The following ATP9B variants were observed in gnomAD, a reference collection of about 807,000 sequenced individuals.
The protein encoded by ATP9B is probable phospholipid-transporting ATPase IIB.
A neutral mutation model predicts 146.1 loss-of-function variants in ATP9B; 110 were observed. That is an observed-to-expected ratio of 0.75 (90% CI 0.65 to 0.88). ATP9B has a LOEUF of 0.88. ATP9B is among the 40% of genes least tolerant of loss of function. ATP9B has a pLI of 0.00. For synonymous variants in ATP9B, 604 were observed against 569.7 expected, an observed-to-expected ratio of 1.06 and a Z score of -0.86; for missense variants, 1,499 against 1,496.4, an observed-to-expected ratio of 1.00 and a Z score of -0.03.
chr18:79,373,199 A>C (rs2097082696), intron 27 of ATP9B, among the ~76,000 whole-genome samples: 1 of 152,204 alleles, frequency 6.6e-6, no homozygotes, highest in Admixed American at 6.5e-5. Flanking sequence ...GACTTTGAGA[A>C]ATCTGAGTTA....
intron 26 of ATP9B, among the ~76,000 whole-genome samples, chr18:79,368,097 C>T (rs189791339): frequency 4.6e-5 from 7 of 151,546 alleles, no homozygotes; most frequent in South Asian, 2.1e-4. Flanking sequence ...GTGAGCTGGA[C>T]GGCGCCGTGG....
At position 79,151,172 on chromosome 18, in the gene ATP9B, C is replaced by T. The variant is rs116568179; in HGVS notation, c.727-3332C>T. 3.4e-3 allele frequency among the ~76,000 whole-genome samples: 516 copies of T among 152,286 alleles called. 3 individuals carry two copies. The highest frequency in any genetic ancestry group is 0.011 in the African/African-American group (475 of 41,566). Reference sequence around the variant, plus strand: ...AAAAGATGGACAAACTTTGAATACTCGCATTTCACTATTTCAAAACTTAAT... The same window carrying T: ...AAAAGATGGACAAACTTTGAATACTTGCATTTCACTATTTCAAAACTTAAT... On this transcript the variant is annotated intron_variant, in intron 6 of 29. Transcript: ENST00000426216.
At chr18:79,168,992 C>T (rs557257236) in intron 7 of ATP9B, among the ~76,000 whole-genome samples, 13 of 152,052 alleles carry the variant, frequency 8.5e-5, no homozygotes, top group Non-Finnish European at 1.3e-4. Context: ...CTTTGAGGTT[C>T]GTGACAGAAA....
At chr18:79,271,324 G>A (rs1201291144) in intron 12 of ATP9B, among the ~76,000 whole-genome samples, 2 of 151,948 alleles carry the variant, frequency 1.3e-5, no homozygotes, top group African/African-American at 4.8e-5. Context: ...TGTCATGTTG[G>A]TGTGCTGCAC....
intron 4 of ATP9B, among the ~76,000 whole-genome samples, chr18:79,124,899 A>T (rs966407541): frequency 6.6e-6 from 1 of 152,162 alleles, no homozygotes; most frequent in Non-Finnish European, 1.5e-5. Context: ...GAATTAGGCC[A>T]TCAGTGGGCT....
At chr18:79,122,298 G>A (rs117651492) in intron 4 of ATP9B, among the ~76,000 whole-genome samples, 4,816 of 152,206 alleles carry the variant, frequency 0.032, 116 homozygotes, top group Non-Finnish European at 0.041. Context: ...ATGAACATGA[G>A]TCTGTAGCAG....
At chr18:79,346,534 G>A (rs1280050336) in intron 23 of ATP9B, among the ~76,000 whole-genome samples, 13 of 102,994 alleles carry the variant, frequency 1.3e-4, no homozygotes, top group African/African-American at 5.0e-4. Flanking sequence ...TGCACAGTCA[G>A]CACACACTCG....
At chr18:79,208,052 TG>T (rs1234135444) in intron 10 of ATP9B, among the ~76,000 whole-genome samples, 2 of 152,250 alleles carry the variant, frequency 1.3e-5, no homozygotes, top group African/African-American at 4.8e-5. Flanking sequence ...GAGACCATCC[TG>T]GCTAACACTG....
At chr18:79,139,536 C>G (rs558222357) in intron 5 of ATP9B, among the ~76,000 whole-genome samples, 1 of 152,076 alleles carries the variant, frequency 6.6e-6, no homozygotes, top group Non-Finnish European at 1.5e-5. Flanking sequence ...TCATTTTTAT[C>G]TTTTAAATTT....
chr18:79,071,291 T>C (rs2071740880), intron 1 of ATP9B, among the ~76,000 whole-genome samples: 1 of 151,772 alleles, frequency 6.6e-6, no homozygotes, highest in Non-Finnish European at 1.5e-5. Context: ...CAGATGGTGT[T>C]ACAGTTTTTG....
chr18:79,106,760 CA>C (rs1286205006), intron 2 of ATP9B, among the ~76,000 whole-genome samples: 21 of 152,100 alleles, frequency 1.4e-4, no homozygotes, highest in Admixed American at 1.4e-3. Context: ...ATGTTTTTAG[CA>C]GTGGGCATTG....
chr18:79,130,455 T>C (rs181588769), intron 5 of ATP9B, among the ~76,000 whole-genome samples: 49 of 150,484 alleles, frequency 3.3e-4, no homozygotes, highest in Non-Finnish European at 5.9e-5. Flanking sequence ...TTAAGAGACC[T>C]GTGGGACAGC....
At chr18:79,092,491 A>G (rs1193842430) in intron 1 of ATP9B, among the ~76,000 whole-genome samples, 1 of 152,106 alleles carries the variant, frequency 6.6e-6, no homozygotes, top group Non-Finnish European at 1.5e-5. Flanking sequence ...TTACTTTGTA[A>G]TTTTTTTAAT....
chr18:79,316,059 G>A (rs1047351697), intron 15 of ATP9B, among the ~76,000 whole-genome samples: 2 of 152,136 alleles, frequency 1.3e-5, no homozygotes, highest in African/African-American at 4.8e-5. Context: ...CATAATGTCA[G>A]GCAGCAGTTA....
chr18:79,329,291 G>A lies in ATP9B; in HGVS notation c.1924G>A (p.Val642Ile), dbSNP rs376190671. The change falls in exon 16 of 30, where the codon GTC becomes ATC. Residue 642 changes from valine to isoleucine, a missense_variant. Val to Ile is a conservative substitution (Grantham distance 29). Coordinates refer to ENST00000426216, the MANE Select transcript of ATP9B (RefSeq NM_198531.5). ...PFTSESKRMG[V>I]IVRDESTAEI... Reference sequence around the variant, plus strand: ...CACCTCCGAGAGCAAGCGGATGGGCGTCATCGTCAGGGTGAGGCTGCGGGG... The same window carrying A: ...CACCTCCGAGAGCAAGCGGATGGGCATCATCGTCAGGGTGAGGCTGCGGGG... 1.7e-5 allele frequency: 27 copies of A among 1,606,020 alleles called. No homozygotes were observed. Among genetic ancestry groups the A allele is most frequent in the African/African-American group, 1.2e-4 (9 of 74,668 alleles).
intron 8 of ATP9B, among the ~76,000 whole-genome samples, chr18:79,185,122 A>G (rs1263731923): frequency 1.3e-5 from 2 of 152,148 alleles, no homozygotes; most frequent in Non-Finnish European, 1.5e-5. Flanking sequence ...GCACGGGGAT[A>G]CTTTTGTGAG....
intron 2 of ATP9B, among the ~76,000 whole-genome samples, chr18:79,106,714 T>C (rs2075674934): frequency 6.6e-6 from 1 of 152,194 alleles, no homozygotes; most frequent in Non-Finnish European, 1.5e-5. Context: ...GGTACAGGGT[T>C]ATAGAGGAAA....
intron 9 of ATP9B, among the ~76,000 whole-genome samples, chr18:79,202,586 T>C (rs74737423): frequency 0.032 from 4,909 of 152,324 alleles, 116 homozygotes; most frequent in Non-Finnish European, 0.042. Flanking sequence ...TTCACACTTA[T>C]AGACCATTAA....
intron 4 of ATP9B, among the ~76,000 whole-genome samples, chr18:79,123,883 A>G (rs1313643506): frequency 6.6e-6 from 1 of 152,240 alleles, no homozygotes; most frequent in Non-Finnish European, 1.5e-5. Flanking sequence ...CAAAGAAGAT[A>G]TACAAATGGC....
Sources: gnomAD v4.1 joint callset for allele counts (sites outside exome capture counted in the v4.1 genomes callset) on GRCh38, gnomAD v4.1.1 for gene constraint, MANE v1.5 for transcripts, NCBI Gene and HGNC (gene_info 2026-07-23, HGNC 2026-07-21) for gene names.